Variants in TDRP observed in about 807,000 individuals in gnomAD.
TDRP encodes the protein testis development-related protein.
A neutral mutation model predicts 10.5 loss-of-function variants in TDRP; 12 were observed. The ratio of observed to expected loss-of-function variants is 1.15; its 90% CI spans 0.73 to 1.86. The LOEUF is 1.86. TDRP is among the 40% of genes most tolerant of loss of function. The pLI is 0.00. For synonymous variants in TDRP, 139 were observed against 95.4 expected (o/e 1.46, Z -2.67); for missense variants, 353 against 229.2 (o/e 1.54, Z -3.49).
chr8:539,227 G>C (rs1363325014), intron 1 of TDRP, among the ~76,000 whole-genome samples: 2 of 152,132 alleles, frequency 1.3e-5, no homozygotes, highest in Non-Finnish European at 2.9e-5. Context: ...TGGGAGTCAC[G>C]AGGGTGGGGC....
intron 1 of TDRP, among the ~76,000 whole-genome samples, chr8:497,153 G>A (rs960244153): frequency 3.3e-5 from 5 of 152,242 alleles, no homozygotes; most frequent in African/African-American, 1.2e-4. Context: ...TAATGGGGCA[G>A]AGGCTGGAAT....
At chr8:504,900 A>G (rs998946043) in intron 1 of TDRP, among the ~76,000 whole-genome samples, 2 of 152,154 alleles carry the variant, frequency 1.3e-5, no homozygotes, top group Non-Finnish European at 2.9e-5. Context: ...TCTCATTCTG[A>G]AAAACTTCTA....
intron 1 of TDRP, among the ~76,000 whole-genome samples, chr8:505,286 G>C (rs924376364): frequency 1.7e-4 from 26 of 152,178 alleles, no homozygotes; most frequent in African/African-American, 6.3e-4. Flanking sequence ...AACTGTACAA[G>C]TCCACAAATA....
At chr8:535,591 G>GCC (rs138171565) in intron 1 of TDRP, among the ~76,000 whole-genome samples, 1,950 of 152,190 alleles carry the variant, frequency 0.013, 48 homozygotes, top group African/African-American at 0.045. Context: ...AGGCTGATGA[G>GCC]CCCCACATGT....
rs1440511072 is a variant in TDRP, at chr8:521,597, G to A, written c.108+23053C>T. ...CTCTGTTCCATTGTTCTATATGTCCGTGTTTATGCCAATATCATACTGCTT... is the reference window on the plus strand; with the variant it reads ...CTCTGTTCCATTGTTCTATATGTCCATGTTTATGCCAATATCATACTGCTT... On this transcript the variant is annotated intron_variant, in intron 1 of 2. Transcript: ENST00000324079. Among the ~76,000 whole-genome samples, 17 of 152,236 alleles carry A rather than the reference G, an allele frequency of 1.1e-4. 1 individual carries two copies. The highest frequency in any genetic ancestry group is 9.6e-4 in the East Asian group (5 of 5,188).
chr8:508,667 G>C (rs1185589666), intron 1 of TDRP, among the ~76,000 whole-genome samples: 1 of 152,092 alleles, frequency 6.6e-6, no homozygotes, highest in Non-Finnish European at 1.5e-5. Flanking sequence ...GATGAGATTT[G>C]GGTGGGGACA....
At chr8:543,834 T>C (rs369875091) in intron 1 of TDRP, among the ~76,000 whole-genome samples, 1 of 150,566 alleles carries the variant, frequency 6.6e-6, no homozygotes, top group African/African-American at 2.4e-5. Context: ...TTGCCACACG[T>C]TTAACAGAAA....
rs565548425 is a variant in TDRP, at chr8:490,082, G to T, written c.*2317C>A. On this transcript the variant is annotated 3_prime_UTR_variant, in exon 3 of 3. Coordinates refer to ENST00000324079, the MANE Select transcript of TDRP (RefSeq NM_001384899.1). ...CACAGGACAACTCTCTTCACACAAG[G>T]AAGCTGTGTGTTTACACAATTCAAA... 6.6e-6 allele frequency: 1 copy of T among 152,260 alleles called. No individual in the cohort carries two copies. The highest frequency in any genetic ancestry group is 2.4e-5 in the African/African-American group (1 of 41,542). 9.4% of individuals were successfully genotyped at this position (152,260 alleles called of 1,614,324 possible).
chr8:530,088 T>A (rs888081493), intron 1 of TDRP, among the ~76,000 whole-genome samples: 1 of 152,154 alleles, frequency 6.6e-6, no homozygotes, highest in Non-Finnish European at 1.5e-5. Context: ...TGAATTTAAA[T>A]GAGCTGTTGA....
intron 1 of TDRP, among the ~76,000 whole-genome samples, chr8:521,244 TCCAAAA>T (rs1208218141): frequency 1.2e-3 from 87 of 74,524 alleles, no homozygotes; most frequent in Non-Finnish European, 1.5e-3. Flanking sequence ...CTACTAAAAA[TCCAAAA>T]AAAAAAAAAA....
chr8:534,776 A>G (rs1363022648), intron 1 of TDRP, among the ~76,000 whole-genome samples: 1 of 152,232 alleles, frequency 6.6e-6, no homozygotes, highest in East Asian at 1.9e-4. Context: ...AATAAATTTT[A>G]GCAAGAAGCT....
chr8:497,741 C>A (rs1801174863), intron 1 of TDRP, among the ~76,000 whole-genome samples: 1 of 152,186 alleles, frequency 6.6e-6, no homozygotes, highest in African/African-American at 2.4e-5. Flanking sequence ...CAGCCCCTCC[C>A]ATCACAGGTC....
At chr8:543,936 G>T (rs1802566659) in intron 1 of TDRP, among the ~76,000 whole-genome samples, 2 of 133,576 alleles carry the variant, frequency 1.5e-5, no homozygotes, top group Non-Finnish European at 1.6e-5. Context: ...GAGGGGGGGG[G>T]AGGGGGTGGG....
chr8:505,736 G>C (rs948164048), intron 1 of TDRP, among the ~76,000 whole-genome samples: 1 of 152,214 alleles, frequency 6.6e-6, no homozygotes. Flanking sequence ...GCCCAGGCTT[G>C]TGTATACCAG....
chr8:521,112 T>A (rs115392902), intron 1 of TDRP, among the ~76,000 whole-genome samples: 1 of 151,966 alleles, frequency 6.6e-6, no homozygotes, highest in African/African-American at 2.4e-5. Context: ...GTGTTAAAGA[T>A]CCAACTTTGG....
At chr8:507,570 C>G (rs1333492249) in intron 1 of TDRP, among the ~76,000 whole-genome samples, 1 of 152,146 alleles carries the variant, frequency 6.6e-6, no homozygotes, top group African/African-American at 2.4e-5. Context: ...CCTGCCACAC[C>G]TCCATCATCC....
At chr8:530,985 T>C (rs1802176172) in intron 1 of TDRP, among the ~76,000 whole-genome samples, 1 of 152,104 alleles carries the variant, frequency 6.6e-6, no homozygotes, top group African/African-American at 2.4e-5. Flanking sequence ...CCCCCAGGCA[T>C]CCAAAGTATG....
intron 1 of TDRP, among the ~76,000 whole-genome samples, chr8:541,942 G>A (rs1046168770): frequency 7.2e-5 from 11 of 152,168 alleles, no homozygotes; most frequent in African/African-American, 2.4e-4. Context: ...ACAAAAACCT[G>A]CACCTGATGT....
intron 1 of TDRP, among the ~76,000 whole-genome samples, chr8:505,995 G>C (rs1035070732): frequency 7.2e-5 from 11 of 152,152 alleles, no homozygotes; most frequent in Admixed American, 2.0e-4. Flanking sequence ...ATGTGGGCAT[G>C]GACATCACTG....
Sources: allele counts gnomAD v4.1 joint callset (sites outside exome capture counted in the v4.1 genomes callset), GRCh38; gene constraint gnomAD v4.1.1; transcripts MANE v1.5; gene names NCBI Gene and HGNC (gene_info 2026-07-23, HGNC 2026-07-21).